ADGRA3: variants seen among roughly 807,000 people sequenced by gnomAD.
The protein encoded by ADGRA3 is adhesion G protein-coupled receptor A3, also known as G-protein coupled receptor 125.
A neutral mutation model predicts 119.8 loss-of-function variants in ADGRA3; 56 were observed. The ratio of observed to expected loss-of-function variants is 0.47; its 90% CI spans 0.38 to 0.58. The LOEUF (loss-of-function observed/expected upper bound fraction) is 0.58. Among genes scored for constraint, ADGRA3 ranks in the 20% least tolerant of loss-of-function variants. ADGRA3 has a pLI of 0.00. For missense variants in ADGRA3, 1,516 were observed against 1,649.0 expected (o/e 0.92, Z 1.40); for synonymous variants, 607 against 623.8 (o/e 0.97, Z 0.40).
At chr4:22,485,435 C>CTTT (rs561498551) in intron 1 of ADGRA3, among the ~76,000 whole-genome samples, 8 of 150,008 alleles carry the variant, frequency 5.3e-5, no homozygotes, top group African/African-American at 2.0e-4. Flanking sequence ...CCATTAGATG[C>CTTT]TTTTTTTTTT....
At chr4:22,476,965 C>A (rs565156465) in intron 1 of ADGRA3, among the ~76,000 whole-genome samples, 1 of 152,014 alleles carries the variant, frequency 6.6e-6, no homozygotes, top group African/African-American at 2.4e-5. Flanking sequence ...CCACACCTGG[C>A]CAATTTATCT....
chr4:22,439,445 T>C (rs528346609), intron 7 of ADGRA3, among the ~76,000 whole-genome samples: 2 of 152,334 alleles, frequency 1.3e-5, no homozygotes, highest in African/African-American at 4.8e-5. Flanking sequence ...TATGCGTTGC[T>C]GTTATGTAGA....
At chr4:22,435,261 A>G in intron 10 of ADGRA3, 50 bp downstream of exon 10, 2 of 1,436,790 alleles carry the variant, frequency 1.4e-6, no homozygotes, top group Non-Finnish European at 9.7e-7. Context: ...ACTCTGTCAC[A>G]CTACCATTTG....
intron 1 of ADGRA3, among the ~76,000 whole-genome samples, chr4:22,480,251 G>A (rs574828743): frequency 3.3e-4 from 50 of 152,286 alleles, no homozygotes; most frequent in African/African-American, 1.2e-3. Context: ...AGGGATGTAC[G>A]ACAACCTTAG....
At chr4:22,493,897 G>A (rs1292939049) in intron 1 of ADGRA3, among the ~76,000 whole-genome samples, 1 of 152,070 alleles carries the variant, frequency 6.6e-6, no homozygotes, top group African/African-American at 2.4e-5. Flanking sequence ...TCAAAACCAA[G>A]GTGGCCACAA....
rs1342658773 is a variant in ADGRA3, at chr4:22,388,654, T to A, written c.3017A>T (p.Tyr1006Phe). Residue 1006 changes from tyrosine to phenylalanine, a missense_variant, in exon 19 of 19, where the codon TAT becomes TTT. Coordinates refer to ENST00000334304, the MANE Select transcript of ADGRA3 (RefSeq NM_145290.4). ...AGCCCCAAACATCCACAGTGCAACA[T>A]ATAAGAGCAAAGTAAGGCTGGCCCC... ...LLGASLTLLL[Y>F]VALWMFGALA... The A allele has an allele frequency of 6.2e-7, 1 of 1,613,976 alleles. No individual in the cohort carries two copies.
intron 1 of ADGRA3, among the ~76,000 whole-genome samples, chr4:22,480,882 T>A (rs572370455): frequency 6.6e-6 from 1 of 152,166 alleles, no homozygotes; most frequent in African/African-American, 2.4e-5. Flanking sequence ...TATTTACATA[T>A]TTAAAATTTC....
chr4:22,461,257 C>T (rs1347780251), intron 3 of ADGRA3, among the ~76,000 whole-genome samples: 2 of 152,206 alleles, frequency 1.3e-5, no homozygotes, highest in African/African-American at 4.8e-5. Context: ...ACAAATCAAA[C>T]CACTGTGCAA....
chr4:22,392,558 T>C lies in ADGRA3; in HGVS notation c.2614A>G (p.Arg872Gly). The C allele has an allele frequency of 6.2e-7, 1 of 1,613,906 alleles. No homozygotes were observed. Among genetic ancestry groups the C allele is most frequent in the Non-Finnish European group, 8.5e-7 (1 of 1,179,866 alleles). The change falls in exon 17 of 19, where the codon AGA (arginine) becomes GGA (glycine). Residue 872 changes from arginine (R) to glycine (G), a missense_variant. By Grantham distance (125) the Arg-to-Gly change is moderately radical. Coordinates refer to ENST00000334304, the MANE Select transcript of ADGRA3 (RefSeq NM_145290.4). ...GATATGAGATACCTGAGCATTGGTC[T>C]TGGTGGAGGTGGTGGTTCATCAGGA... ...QDPDEPPPPP[R>G]PMLRFYLIGG...
At chr4:22,467,710 C>A (rs1357104852) in intron 2 of ADGRA3, among the ~76,000 whole-genome samples, 1 of 152,148 alleles carries the variant, frequency 6.6e-6, no homozygotes, top group Admixed American at 6.5e-5. Context: ...CCATATTAAT[C>A]AAGCATTGCC....
At chr4:22,435,565 T>C (rs1209968135) in intron 9 of ADGRA3, 99 bp from the exon 10 acceptor site, 27 of 1,069,392 alleles carry the variant, frequency 2.5e-5, no homozygotes, top group Non-Finnish European at 3.4e-5. Flanking sequence ...CAGCAACGAA[T>C]TAAAAACTTT....
chr4:22,503,624 T>C (rs1443304757), intron 1 of ADGRA3, among the ~76,000 whole-genome samples: 1 of 51,328 alleles, frequency 1.9e-5, no homozygotes, highest in Non-Finnish European at 3.8e-5. Flanking sequence ...CTAGGTACTA[T>C]GGATACATGA....
chr4:22,479,840 T>C (rs751717781), intron 1 of ADGRA3, among the ~76,000 whole-genome samples: 11 of 152,174 alleles, frequency 7.2e-5, no homozygotes, highest in Admixed American at 1.3e-4. Flanking sequence ...GTCATGTCCT[T>C]TGCAGGGACA....
At chr4:22,424,692 A>C (rs1715860889) in intron 10 of ADGRA3, among the ~76,000 whole-genome samples, 1 of 152,230 alleles carries the variant, frequency 6.6e-6, no homozygotes, top group Non-Finnish European at 1.5e-5. Flanking sequence ...GAATAAAAAG[A>C]TCTTGACTGT....
intron 12 of ADGRA3, chr4:22,420,609 C>A: frequency 1.2e-5 from 6 of 505,420 alleles, no homozygotes; most frequent in East Asian, 3.1e-5. Context: ...TCACATGTAA[C>A]AATAGTATAT....
chr4:22,389,293 T>C lies in ADGRA3; in HGVS notation c.2628-110A>G, dbSNP rs1307182666. On this transcript the variant is annotated intron_variant, in intron 17 of 18. Coordinates refer to ENST00000334304, the MANE Select transcript of ADGRA3 (RefSeq NM_145290.4). ...CATTCCCTGAAGATTAATTATTATC[T>C]TTATTCCAATAATAAGCTGAGAGTT... The C allele has an allele frequency of 5.5e-6, 4 of 729,748 alleles. No homozygotes were observed. In the African/African-American group the frequency reaches 7.0e-5, roughly 13 times the overall value. 45.2% of individuals were successfully genotyped at this position (729,748 alleles called of 1,614,324 possible).
At chr4:22,420,836 A>T (rs1379810856) in intron 12 of ADGRA3, 50 bp downstream of exon 12, 10 of 1,535,446 alleles carry the variant, frequency 6.5e-6, no homozygotes, top group Non-Finnish European at 9.0e-6. Context: ...CATTTGGAGC[A>T]TTCTAATTTA....
intron 17 of ADGRA3, among the ~76,000 whole-genome samples, chr4:22,391,772 C>T (rs1162265062): frequency 1.3e-5 from 2 of 152,170 alleles, no homozygotes; most frequent in Admixed American, 1.3e-4. Flanking sequence ...GAGGCTCCAG[C>T]CAAACTGCAT....
intron 1 of ADGRA3, among the ~76,000 whole-genome samples, chr4:22,482,176 T>C (rs959041347): frequency 3.3e-5 from 5 of 152,190 alleles, no homozygotes; most frequent in Non-Finnish European, 7.3e-5. Flanking sequence ...CACTTCTCAT[T>C]ATTTGAAATC....
Sources: allele counts gnomAD v4.1 joint callset (sites outside exome capture counted in the v4.1 genomes callset), GRCh38; gene constraint gnomAD v4.1.1; transcripts MANE v1.5; gene names NCBI Gene and HGNC (gene_info 2026-07-23, HGNC 2026-07-21).